Variants in SNX14 observed in about 807,000 individuals in gnomAD.
SNX14 encodes the protein sorting nexin-14.
Under a neutral mutation model 133.8 loss-of-function variants are expected in SNX14, and 93 were observed. That is an observed-to-expected ratio of 0.70 (90% CI 0.59 to 0.83). The LOEUF is 0.83. Among genes scored for constraint, SNX14 ranks in the 40% least tolerant of loss-of-function variants. The probability of loss-of-function intolerance (pLI) is 0.00; values close to 1 mark genes in which losing one functional copy is unlikely to be tolerated. For synonymous variants in SNX14, 368 were observed against 365.6 expected (o/e 1.01, Z -0.07); for missense variants, 945 against 1,094.9 (o/e 0.86, Z 1.93).
intron 20 of SNX14, among the ~76,000 whole-genome samples, 170 bp downstream of exon 20, chr6:85,528,092 T>C (rs578186562): frequency 1.3e-5 from 2 of 152,194 alleles, no homozygotes; most frequent in East Asian, 3.9e-4. Flanking sequence ...GTAAGTAATA[T>C]ACTTTTGACA....
chr6:85,538,757 C>A, intron 16 of SNX14, 81 bp downstream of exon 16: 1 of 1,289,618 alleles, frequency 7.8e-7, no homozygotes, highest in East Asian at 2.6e-5. Context: ...CATTTTTTTC[C>A]TTTTTATTTG....
Position 85,572,907 on chromosome 6 carries a change from C to T in SNX14, c.262-533G>A, listed in dbSNP as rs186347831. 1.8e-3 allele frequency among the ~76,000 whole-genome samples: 269 copies of T among 152,128 alleles called. 3 individuals carry two copies. The highest frequency in any genetic ancestry group is 4.7e-4 in the Non-Finnish European group (32 of 67,986). ...TCAGGAGTTTGAGGCTGCAGTAAGC[C>T]GTGATCCTGCCACTGCACTCTAGCC... On this transcript the variant is annotated intron_variant, in intron 2 of 28. Transcript: ENST00000314673.
At chr6:85,555,194 C>A (rs1019520096) in intron 7 of SNX14, among the ~76,000 whole-genome samples, 15 of 152,224 alleles carry the variant, frequency 9.9e-5, no homozygotes, top group Middle Eastern at 3.4e-3. Flanking sequence ...AAGATGATTC[C>A]ATTTATTCAT....
chr6:85,561,800 C>G lies in SNX14; in HGVS notation c.549+3532G>C, dbSNP rs1287366075. ...AATACCACACATATTAGTTTCCAGCCTGTTCATTTGCCTGTTTCTTTTTTG... is the reference window on the plus strand; with the variant it reads ...AATACCACACATATTAGTTTCCAGCGTGTTCATTTGCCTGTTTCTTTTTTG... On this transcript the variant is annotated intron_variant, in intron 6 of 28. Coordinates refer to ENST00000314673, the MANE Select transcript of SNX14 (RefSeq NM_153816.6). Among the ~76,000 whole-genome samples the G allele has an allele frequency of 5.3e-5, 8 of 151,286 alleles. No homozygotes were observed. In the East Asian group the frequency reaches 1.5e-3, roughly 29 times the overall value.
intron 1 of SNX14, chr6:85,588,904 T>C (rs1190615400): frequency 4.4e-6 from 2 of 455,694 alleles, no homozygotes; most frequent in Non-Finnish European, 8.8e-6. Flanking sequence ...TTCATCTTCA[T>C]TGTCTTCACA....
At chr6:85,546,565 A>AT (rs201909265) in intron 12 of SNX14, among the ~76,000 whole-genome samples, 21 of 150,060 alleles carry the variant, frequency 1.4e-4, no homozygotes, top group African/African-American at 3.2e-4. Context: ...TACTTTTAGT[A>AT]TTTTTTTTTT....
chr6:85,542,489 G>A (rs1022959936), intron 14 of SNX14, among the ~76,000 whole-genome samples: 1 of 152,158 alleles, frequency 6.6e-6, no homozygotes, highest in African/African-American at 2.4e-5. Context: ...CCGCCTCCCG[G>A]GTTGATGCCA....
intron 4 of SNX14, among the ~76,000 whole-genome samples, chr6:85,568,665 A>G (rs984588185): frequency 1.3e-5 from 2 of 152,358 alleles, no homozygotes; most frequent in African/African-American, 2.4e-5. Flanking sequence ...ACAAAACGAC[A>G]TATCTAATCT....
chr6:85,588,115 C>A (rs573956212), intron 1 of SNX14, among the ~76,000 whole-genome samples: 9 of 151,836 alleles, frequency 5.9e-5, no homozygotes, highest in Non-Finnish European at 1.2e-4. Flanking sequence ...TATAGTGAAA[C>A]CTCGTCTGTA....
rs1480976427 is a variant in SNX14, at chr6:85,539,890, T to A, written c.1449-1026A>T. On this transcript the variant is annotated intron_variant, in intron 15 of 28. Transcript: ENST00000314673. ...TAAAAGTAGCCAAGAAGGCTTTTCA[T>A]CTCTGAAGTTATGACCTTGACTTAG... Among the ~76,000 whole-genome samples the A allele has an allele frequency of 2.0e-5, 3 of 150,380 alleles. No homozygotes were observed. The East Asian group carries it at 5.8e-4, about 29-fold the overall frequency.
intron 8 of SNX14, among the ~76,000 whole-genome samples, chr6:85,548,879 A>T (rs1468039363): frequency 6.6e-6 from 1 of 151,858 alleles, no homozygotes; most frequent in African/African-American, 2.4e-5. Flanking sequence ...ATGCAGGAGA[A>T]TCGCTTGAAT....
intron 19 of SNX14, among the ~76,000 whole-genome samples, chr6:85,529,339 A>C (rs1192771106): frequency 2.6e-5 from 4 of 151,870 alleles, no homozygotes; most frequent in African/African-American, 9.7e-5. Flanking sequence ...GGAAGGAAAC[A>C]AGGAAACGAA....
At chr6:85,508,219 A>C (rs1436450644) in intron 26 of SNX14, 160 bp from the exon 27 acceptor site, 6 of 1,308,692 alleles carry the variant, frequency 4.6e-6, no homozygotes, top group Non-Finnish European at 5.8e-6. Context: ...CTCCTGGATA[A>C]GAGGTTTCTA....
At chr6:85,525,283 TAATTTCCTTTACAATAGTACTAGTAGA>T (rs979581040) in intron 21 of SNX14, among the ~76,000 whole-genome samples, 6 of 152,178 alleles carry the variant, frequency 3.9e-5, no homozygotes, top group African/African-American at 1.2e-4. Flanking sequence ...TCACACATCT[TAATTTCCTTTACAATAGTACTAGTAGA>T]AATAAGGCAA....
intron 19 of SNX14, among the ~76,000 whole-genome samples, chr6:85,528,794 C>T (rs1779259445): frequency 6.6e-6 from 1 of 152,172 alleles, no homozygotes; most frequent in Non-Finnish European, 1.5e-5. Flanking sequence ...CAGTGGTTCA[C>T]ACCTGTAAGC....
chr6:85,537,494 T>C (rs114622194), intron 16 of SNX14, among the ~76,000 whole-genome samples: 297 of 152,340 alleles, frequency 1.9e-3, no homozygotes, highest in African/African-American at 7.0e-3. Context: ...TGCTCTGCCA[T>C]AAATATTAAA....
At position 85,587,239 on chromosome 6, in the gene SNX14, T is replaced by C. The variant is rs1340086916; in HGVS notation, c.140+6340A>G. 2.0e-5 allele frequency among the ~76,000 whole-genome samples: 3 copies of C among 152,002 alleles called. No homozygotes were observed. In the South Asian group the frequency reaches 6.2e-4, roughly 31 times the overall value. On this transcript the variant is annotated intron_variant, in intron 1 of 28. Transcript: ENST00000314673. ...AAAAATATGGCAAAATATGGATAGT[T>C]GTTAAAGTTGAGTAATGGGTGCTTG...
intron 16 of SNX14, among the ~76,000 whole-genome samples, chr6:85,537,936 T>TATAAA (rs1782458176): frequency 2.6e-5 from 4 of 152,088 alleles, no homozygotes; most frequent in Admixed American, 2.6e-4. Flanking sequence ...AGAAAATATA[T>TATAAA]ATAAAATAAA....
chr6:85,526,178 AG>A lies in SNX14; in HGVS notation c.2054del (p.Pro685LeufsTer16), dbSNP rs1554220537. On this transcript the variant is annotated frameshift_variant, in exon 21 of 29. Transcript: ENST00000314673. LOFTEE classifies it high-confidence loss of function. ...CAAGAAATTGTGTTTCCCCACCATT[AG>A]GGGAAAGAAAGTCTGCCAGAAGTTG... ...NSQLLADFLS[P>X]NGGETQFLDK... is the part of the protein sequence containing the mutation. 1 of 1,608,612 alleles carries A rather than the reference AG, an allele frequency of 6.2e-7. No individual in the cohort carries two copies. The highest frequency in any genetic ancestry group is 1.3e-5 in the African/African-American group (1 of 74,838).
Sources: gnomAD v4.1 joint callset for allele counts (sites outside exome capture counted in the v4.1 genomes callset) on GRCh38, gnomAD v4.1.1 for gene constraint, MANE v1.5 for transcripts, NCBI Gene and HGNC (gene_info 2026-07-23, HGNC 2026-07-21) for gene names.